The following C1QTNF3 variants were observed in gnomAD, a reference collection of about 807,000 sequenced individuals.
C1QTNF3 encodes complement C1q tumor necrosis factor-related protein 3.
Under a neutral mutation model 32.6 loss-of-function variants are expected in C1QTNF3, and 26 were observed. The observed-to-expected ratio is 0.80, with a 90% CI of 0.58 to 1.11. The LOEUF (loss-of-function observed/expected upper bound fraction) is 1.11, where lower values mean the gene tolerates loss of function less well. Among genes scored for constraint, C1QTNF3 ranks in the 50% least tolerant of loss-of-function variants. The pLI is 0.00. For synonymous variants in C1QTNF3, 155 were observed against 146.0 expected, an observed-to-expected ratio of 1.06 and a Z score of -0.44; for missense variants, 362 against 398.2, an observed-to-expected ratio of 0.91 and a Z score of 0.77.
At chr5:34,140,608 T>C in the C1QTNF3 span, among the ~76,000 whole-genome samples, 11 of 152,222 alleles carry the variant, frequency 7.2e-5, no homozygotes, top group Non-Finnish European at 1.5e-4. Flanking sequence ...TTAGGATGGA[T>C]AACTTTATTT....
intron 5 of C1QTNF3, among the ~76,000 whole-genome samples, chr5:34,022,409 C>T (rs1447858895): frequency 6.6e-6 from 1 of 152,144 alleles, no homozygotes; most frequent in Non-Finnish European, 1.5e-5. Flanking sequence ...AGAAGACCCT[C>T]CTAGAGGACA....
chr5:34,141,317 A>G, the C1QTNF3 span, among the ~76,000 whole-genome samples: 1 of 152,002 alleles, frequency 6.6e-6, no homozygotes, highest in Admixed American at 6.6e-5. Flanking sequence ...ATGGGGTTTC[A>G]CTGTGTTAGC....
the C1QTNF3 span, among the ~76,000 whole-genome samples, chr5:34,208,098 G>C: frequency 2.0e-5 from 3 of 152,088 alleles, no homozygotes; most frequent in Non-Finnish European, 4.4e-5. Flanking sequence ...CCTTGAGAAA[G>C]TGCTTTTAAG....
the C1QTNF3 span, among the ~76,000 whole-genome samples, chr5:34,202,636 G>A: frequency 1.3e-5 from 2 of 151,452 alleles, no homozygotes; most frequent in Non-Finnish European, 2.9e-5. Context: ...ATCAGTATAT[G>A]TGATTACAGT....
Position 34,018,526 on chromosome 5 carries a change from G to A in C1QTNF3, c.*2057C>T, listed in dbSNP as rs566650255. Reference sequence around the variant, plus strand: ...TACTTTAAATGCCATAGGAGTGCCTGGAATAGCACAGTATCTTGCATAAAG... The same window carrying A: ...TACTTTAAATGCCATAGGAGTGCCTAGAATAGCACAGTATCTTGCATAAAG... On this transcript the variant is annotated 3_prime_UTR_variant, in exon 6 of 6. Transcript: ENST00000382065. Among the ~76,000 whole-genome samples the A allele has an allele frequency of 6.6e-6, 1 of 152,284 alleles. No individual in the cohort carries two copies. Among genetic ancestry groups the A allele is most frequent in the South Asian group, 2.1e-4 (1 of 4,824 alleles).
At chr5:34,102,906 C>T in the C1QTNF3 span, among the ~76,000 whole-genome samples, 73 of 143,560 alleles carry the variant, frequency 5.1e-4, no homozygotes, top group African/African-American at 1.8e-3. Context: ...GGGTGCAGCA[C>T]ACCAACATGG....
At chr5:34,072,371 G>GAAAGAAAGAAAGAAAGAA in the C1QTNF3 span, among the ~76,000 whole-genome samples, 204 of 117,656 alleles carry the variant, frequency 1.7e-3, 1 homozygote, top group Middle Eastern at 4.1e-3. Flanking sequence ...AAAAAAGAAA[G>GAAAGAAAGAAAGAAAGAA]AGAAAGAAAG....
chr5:34,197,420 A>T, the C1QTNF3 span, among the ~76,000 whole-genome samples: 1 of 152,218 alleles, frequency 6.6e-6, no homozygotes, highest in South Asian at 2.1e-4. Flanking sequence ...CCCAAAATAA[A>T]TATAAATGGA....
chr5:34,128,826 A>G, the C1QTNF3 span, among the ~76,000 whole-genome samples: 1 of 152,140 alleles, frequency 6.6e-6, no homozygotes, highest in Non-Finnish European at 1.5e-5. Flanking sequence ...TCTCAGAAAG[A>G]CTTTGGACTG....
chr5:34,211,316 G>C, the C1QTNF3 span, among the ~76,000 whole-genome samples: 1 of 151,844 alleles, frequency 6.6e-6, no homozygotes, highest in African/African-American at 2.4e-5. Context: ...TTTATTTTCT[G>C]AATGAACTCC....
At position 34,020,735 on chromosome 5, in the gene C1QTNF3, T is replaced by C; in HGVS notation, c.808A>G (p.Met270Val). 2 of 1,610,982 alleles carry C rather than the reference T, an allele frequency of 1.2e-6. No individual in the cohort carries two copies. Among genetic ancestry groups the C allele is most frequent in the Non-Finnish European group, 1.7e-6 (2 of 1,177,912 alleles). Residue 270 changes from methionine to valine, a missense_variant, in exon 6 of 6, where the codon ATG becomes GTG. Transcript: ENST00000382065. ...NTVFSMYSYE[M>V]KGKSDTSSNH... ...CTGGATGTATCTGATTTGCCCTTCA[T>C]TTCATAGCTGGAAAGAAAAAGAGGA...
At chr5:34,036,008 G>T (rs184734316) in intron 1 of C1QTNF3, among the ~76,000 whole-genome samples, 5 of 152,084 alleles carry the variant, frequency 3.3e-5, no homozygotes. Context: ...GCGTGTGGGT[G>T]GGGGTGGGAA....
the C1QTNF3 span, among the ~76,000 whole-genome samples, chr5:34,139,455 A>C: frequency 6.6e-6 from 1 of 152,150 alleles, no homozygotes; most frequent in African/African-American, 2.4e-5. Flanking sequence ...TACTCTTGAG[A>C]TCTTCATAGA....
In C1QTNF3 at chr5:34,042,775, A is replaced by ACAC. The variant is rs386403521; in HGVS notation, c.303+45_303+47dup. On this transcript the variant is annotated intron_variant, in intron 1 of 5. Transcript: ENST00000382065. ...GAACAACAACAAAACAACAACAACA[A>ACAC]CACTCATTAAGCTTTCACAAAAATC... 24 of 1,527,278 alleles carry ACAC rather than the reference A, an allele frequency of 1.6e-5. No individual in the cohort carries two copies. The African/African-American group carries it at 1.8e-4, about 11-fold the overall frequency. The allele number at this position is 1,527,278 out of a possible 1,614,324, so 94.6% of individuals were successfully genotyped here.
the C1QTNF3 span, among the ~76,000 whole-genome samples, chr5:34,163,006 T>C: frequency 1.4e-4 from 21 of 152,164 alleles, no homozygotes; most frequent in Non-Finnish European, 2.2e-4. Context: ...CAATTACACA[T>C]AATCAATGTA....
At chr5:34,065,536 A>G in the C1QTNF3 span, among the ~76,000 whole-genome samples, 2 of 152,092 alleles carry the variant, frequency 1.3e-5, no homozygotes, top group African/African-American at 2.4e-5. Context: ...GCATCATGGC[A>G]TCTGCCTGTA....
chr5:34,177,813 G>C, the C1QTNF3 span, among the ~76,000 whole-genome samples: 1 of 151,846 alleles, frequency 6.6e-6, no homozygotes, highest in Non-Finnish European at 1.5e-5. Context: ...ATTTTGTAGA[G>C]ATGGGGTCCA....
chr5:34,242,792 AG>A, the C1QTNF3 span, among the ~76,000 whole-genome samples: 1 of 152,100 alleles, frequency 6.6e-6, no homozygotes, highest in Non-Finnish European at 1.5e-5. Context: ...CAAATCCATA[AG>A]GAAGAAAAAA....
chr5:34,021,850 G>A (rs898973298), intron 5 of C1QTNF3, among the ~76,000 whole-genome samples: 7 of 152,160 alleles, frequency 4.6e-5, no homozygotes, highest in East Asian at 1.9e-4. Context: ...GTTGATAGGT[G>A]CAGCAAACCA....
Sources: allele counts gnomAD v4.1 joint callset (sites outside exome capture counted in the v4.1 genomes callset), GRCh38; gene constraint gnomAD v4.1.1; transcripts MANE v1.5; gene names NCBI Gene and HGNC (gene_info 2026-07-23, HGNC 2026-07-21).